The following EPS8 variants were observed in gnomAD, a reference collection of about 807,000 sequenced individuals.
The protein encoded by EPS8 is EGFR pathway substrate 8, signaling adaptor, also known as epidermal growth factor receptor kinase substrate 8.
EPS8 carries 42 observed loss-of-function variants against 103.8 expected under a neutral mutation model. That is an observed-to-expected ratio of 0.40 (90% CI 0.32 to 0.52). The LOEUF is 0.52. Ranked by LOEUF, EPS8 falls within the 20% of genes least tolerant of loss-of-function variation. EPS8 has a pLI of 0.40. For synonymous variants in EPS8, 344 were observed against 344.6 expected (o/e 1.00, Z 0.02); for missense variants, 969 against 1,005.1 (o/e 0.96, Z 0.49).
intron 1 of EPS8, among the ~76,000 whole-genome samples, chr12:15,694,980 A>G (rs574945547): frequency 3.9e-5 from 6 of 152,296 alleles, no homozygotes; most frequent in Admixed American, 2.0e-4. Context: ...TGTAAAAATA[A>G]TGCTCATTAA....
intron 20 of EPS8, among the ~76,000 whole-genome samples, chr12:15,622,106 T>C (rs979080563): frequency 4.6e-5 from 7 of 152,134 alleles, no homozygotes; most frequent in African/African-American, 1.7e-4. Context: ...ATGACAATAA[T>C]GATAGGCAGG....
In EPS8 at chr12:15,759,939, A is replaced by C. The variant is rs1030853341; in HGVS notation, c.-22+29222T>G. 1.6e-4 allele frequency among the ~76,000 whole-genome samples: 24 copies of C among 151,976 alleles called. No individual in the cohort carries two copies. Among genetic ancestry groups the C allele is most frequent in the African/African-American group, 5.8e-4 (24 of 41,566 alleles). On this transcript the variant is annotated intron_variant, in intron 1 of 20. Transcript: ENST00000281172. The surrounding 1 kb of genome is among the most constrained non-coding windows in gnomAD (Gnocchi z 4.9). The stretch of plus-strand genomic sequence containing the variant: ...CAAGAGCAAACCAAACCCAAAATTC[A>C]TAGAAAAAAGGAAATGATAAAGATC...
intron 1 of EPS8, among the ~76,000 whole-genome samples, chr12:15,756,262 G>T (rs1020529296): frequency 6.6e-6 from 1 of 152,016 alleles, no homozygotes; most frequent in African/African-American, 2.4e-5. Flanking sequence ...TAGACAACAG[G>T]GTTCTACCAG....
At chr12:15,750,280 A>C (rs551694822) in intron 1 of EPS8, among the ~76,000 whole-genome samples, 2 of 152,336 alleles carry the variant, frequency 1.3e-5, no homozygotes, top group South Asian at 4.1e-4. Flanking sequence ...GCACATGCAC[A>C]CACACAAAAA....
At position 15,698,465 on chromosome 12, in the gene EPS8, C is replaced by G. The variant is rs924971071; in HGVS notation, c.-21-15493G>C. Among the ~76,000 whole-genome samples, 12 of 152,064 alleles carry G rather than the reference C, an allele frequency of 7.9e-5. 1 individual carries two copies. The highest frequency in any genetic ancestry group is 1.5e-5 in the Non-Finnish European group (1 of 68,014). ...ATCCACACAGTAAACAGACATCTCT[C>G]TCCTCCAGCCTCTCCATCTTGACCT... On this transcript the variant is annotated intron_variant, in intron 1 of 20. Coordinates refer to ENST00000281172, the MANE Select transcript of EPS8 (RefSeq NM_004447.6). The surrounding 1 kb of genome is among the most constrained non-coding windows in gnomAD (Gnocchi z 4.9).
At position 15,621,336 on chromosome 12, in the gene EPS8, T is replaced by A. The variant is rs774915263; in HGVS notation, c.2450A>T (p.Asp817Val). ...AACAAATTAGTGACTGCTTCCTTCA[T>A]CAAAAGATTCCACTCCTGAATCACT... ...AASDSGVESF[D>V]EGSSH is the part of the protein sequence containing the mutation. Residue 817 changes from aspartate to valine, a missense_variant, in exon 21 of 21, where the codon GAT becomes GTT. By Grantham distance (152) the Asp-to-Val change is radical. Transcript: ENST00000281172. 3 of 1,584,590 alleles carry A rather than the reference T, an allele frequency of 1.9e-6. No homozygotes were observed. In the South Asian group the frequency reaches 3.5e-5, roughly 18 times the overall value.
chr12:15,680,360 A>G (rs1417821280), intron 3 of EPS8, among the ~76,000 whole-genome samples: 1 of 152,168 alleles, frequency 6.6e-6, no homozygotes, highest in Non-Finnish European at 1.5e-5. Flanking sequence ...ATAATAGCAA[A>G]CACATACAGT....
rs539235579 is a variant in EPS8, at chr12:15,778,232, A to G, written c.-22+10929T>C. 4.6e-5 allele frequency among the ~76,000 whole-genome samples: 7 copies of G among 152,254 alleles called. No individual in the cohort carries two copies. The East Asian group carries it at 1.3e-3, about 29-fold the overall frequency. On this transcript the variant is annotated intron_variant, in intron 1 of 20. Coordinates refer to ENST00000281172, the MANE Select transcript of EPS8 (RefSeq NM_004447.6). The surrounding 1 kb of genome is among the most constrained non-coding windows in gnomAD (Gnocchi z 4.5). ...TGCACACGAAAATCTTCAGAGGGTG[A>G]TTTTCAACAATGATTAAAAACACTC...
chr12:15,744,024 C>T (rs1946850920), intron 1 of EPS8, among the ~76,000 whole-genome samples: 1 of 152,014 alleles, frequency 6.6e-6, no homozygotes, highest in South Asian at 2.1e-4. Flanking sequence ...TGACAAAGGG[C>T]GAATATCCAG....
intron 16 of EPS8, among the ~76,000 whole-genome samples, chr12:15,641,435 T>C (rs1945227658): frequency 6.6e-6 from 1 of 151,544 alleles, no homozygotes; most frequent in Non-Finnish European, 1.5e-5. Flanking sequence ...TAGTCTTGAC[T>C]CCAAAATGAA....
In EPS8 at chr12:15,721,385, T is replaced by G. The variant is rs1232588466; in HGVS notation, c.-21-38413A>C. Among the ~76,000 whole-genome samples the G allele has an allele frequency of 6.6e-6, 1 of 152,168 alleles. No individual in the cohort carries two copies. Among genetic ancestry groups the G allele is most frequent in the Non-Finnish European group, 1.5e-5 (1 of 68,042 alleles). ...TAACTCCAGTAGCTCATCTCCAAAC[T>G]GTTTTCCTAGATGTAATGAGGGAAA... On this transcript the variant is annotated intron_variant, in intron 1 of 20. Coordinates refer to ENST00000281172, the MANE Select transcript of EPS8 (RefSeq NM_004447.6). The surrounding 1 kb of genome is among the most constrained non-coding windows in gnomAD (Gnocchi z 4.4).
Position 15,698,442 on chromosome 12 carries a change from C to A in EPS8, c.-21-15470G>T, listed in dbSNP as rs1462880350. 6.6e-6 allele frequency among the ~76,000 whole-genome samples: 1 copy of A among 152,062 alleles called. No homozygotes were observed. The highest frequency in any genetic ancestry group is 1.5e-5 in the Non-Finnish European group (1 of 68,010). ...CCCCCGCTCTTTAAGTTAACCTCAT[C>A]CACACAGTAAACAGACATCTCTCTC... On this transcript the variant is annotated intron_variant, in intron 1 of 20. Coordinates refer to ENST00000281172, the MANE Select transcript of EPS8 (RefSeq NM_004447.6). The surrounding 1 kb of genome is among the most constrained non-coding windows in gnomAD (Gnocchi z 4.9).
intron 1 of EPS8, among the ~76,000 whole-genome samples, chr12:15,788,807 AC>A (rs1163629109): frequency 6.6e-6 from 1 of 152,120 alleles, no homozygotes; most frequent in Non-Finnish European, 1.5e-5. Context: ...AGATCGGGAT[AC>A]TCGGTCTGCA....
rs1294300865 is a variant in EPS8, at chr12:15,704,872, AC to A, written c.-21-21901del. Among the ~76,000 whole-genome samples, 2 of 152,192 alleles carry A rather than the reference AC, an allele frequency of 1.3e-5. No homozygotes were observed. The highest frequency in any genetic ancestry group is 2.9e-5 in the Non-Finnish European group (2 of 68,032). ...GTAGCTGCCTCTGTTATGGGGATGTACTAGAAGATTAACAATTTCCTTGGCA... is the reference window on the plus strand; with the variant it reads ...GTAGCTGCCTCTGTTATGGGGATGTATAGAAGATTAACAATTTCCTTGGCA... On this transcript the variant is annotated intron_variant, in intron 1 of 20. Transcript: ENST00000281172. This position sits in a 1 kb window ranked among gnomAD's most constrained non-coding sequence, Gnocchi z 4.6.
At chr12:15,637,273 G>A (rs377593121) in intron 17 of EPS8, among the ~76,000 whole-genome samples, 1 of 152,300 alleles carries the variant, frequency 6.6e-6, no homozygotes, top group South Asian at 2.1e-4. Flanking sequence ...TGCCTGCCTC[G>A]GCCTCCCAAA....
At chr12:15,646,548 T>G (rs1372659753) in intron 15 of EPS8, among the ~76,000 whole-genome samples, 2 of 152,192 alleles carry the variant, frequency 1.3e-5, no homozygotes, top group Non-Finnish European at 2.9e-5. Flanking sequence ...TTATTTCTTC[T>G]CATCCCAATT....
At chr12:15,746,919 T>A (rs932289464) in intron 1 of EPS8, among the ~76,000 whole-genome samples, 1 of 152,188 alleles carries the variant, frequency 6.6e-6, no homozygotes, top group African/African-American at 2.4e-5. Context: ...CCCTACTAAC[T>A]AGTTCTTCTT....
chr12:15,686,620 A>G (rs566988565), intron 1 of EPS8, among the ~76,000 whole-genome samples: 66 of 152,300 alleles, frequency 4.3e-4, no homozygotes, highest in African/African-American at 1.5e-3. Context: ...AAGGAAATGG[A>G]ATATATAAAA....
Position 15,621,327 on chromosome 12 carries a change from C to A in EPS8, c.2459G>T (p.Ser820Ile), listed in dbSNP as rs559039143. ...DSGVESFDEGSSH is the reference protein window; with the variant it reads ...DSGVESFDEGISH ...ATACAAACAAACAAATTAGTGACTG[C>A]TTCCTTCATCAAAAGATTCCACTCC... Residue 820 changes from serine to isoleucine, a missense_variant, in exon 21 of 21, where the codon AGC becomes ATC. Transcript: ENST00000281172. 3.2e-6 allele frequency: 5 copies of A among 1,563,564 alleles called. No homozygotes were observed. In the South Asian group the frequency reaches 5.9e-5, roughly 19 times the overall value.
Sources: gnomAD v4.1 joint callset for allele counts (sites outside exome capture counted in the v4.1 genomes callset) on GRCh38, gnomAD v4.1.1 for gene constraint, Gnocchi (gnomAD v3.1) non-coding constraint, MANE v1.5 for transcripts, NCBI Gene and HGNC (gene_info 2026-07-23, HGNC 2026-07-21) for gene names.